Variants in KCTD18 observed in about 807,000 individuals in gnomAD.
The protein encoded by KCTD18 is BTB/POZ domain-containing protein KCTD18.
In KCTD18, 22 loss-of-function variants were observed where a neutral mutation model predicts 30.4. That is an observed-to-expected ratio of 0.72 (90% confidence interval 0.52 to 1.03). The LOEUF is 1.03. Ranked by LOEUF, KCTD18 falls within the 50% of genes least tolerant of loss-of-function variation. The pLI is 0.00. For missense variants in KCTD18, 529 were observed against 547.6 expected (o/e 0.97, Z 0.34); for synonymous variants, 186 against 209.0 (o/e 0.89, Z 0.95).
In KCTD18 at chr2:200,489,170, A is replaced by C. The variant is rs529498262; in HGVS notation, c.*930T>G. On this transcript the variant is annotated 3_prime_UTR_variant, in exon 7 of 7. Coordinates refer to ENST00000359878, the MANE Select transcript of KCTD18 (RefSeq NM_152387.4). The stretch of plus-strand genomic sequence containing the variant: ...AAACATAACATTTACGAATAAACAC[A>C]CACAACTGAATAGTCATGAAAAAAT... The C allele has an allele frequency of 2.9e-4, 44 of 152,752 alleles. No homozygotes were observed. Among genetic ancestry groups the C allele is most frequent in the African/African-American group, 1.0e-3 (43 of 41,570 alleles). The allele number at this position is 152,752 out of a possible 1,614,324, so 9.5% of individuals were successfully genotyped here.
At position 200,506,846 on chromosome 2, in the gene KCTD18, T is replaced by C. The variant is rs1473101254; in HGVS notation, c.160+11A>G. The C allele has an allele frequency of 3.7e-6, 6 of 1,611,734 alleles. No individual in the cohort carries two copies. Among genetic ancestry groups the C allele is most frequent in the Admixed American group, 1.7e-5 (1 of 59,208 alleles). ...ATATTCAGATCATGCTTTCAGACTT[T>C]AGACATTTACCTGACTCATCTGTTT... On this transcript the variant is annotated intron_variant, in intron 2 of 6. Coordinates refer to ENST00000359878, the MANE Select transcript of KCTD18 (RefSeq NM_152387.4).
chr2:200,507,033 T>A lies in KCTD18; in HGVS notation c.-17A>T, dbSNP rs1159610680. 6.3e-7 allele frequency: 1 copy of A among 1,591,674 alleles called. No individual in the cohort carries two copies. The highest frequency in any genetic ancestry group is 8.6e-7 in the Non-Finnish European group (1 of 1,165,812). ...GCCTTCCATTTCTCCCCCAGGCACC[T>A]GAATTTTTGCCGCCCAACACTTTCA... On this transcript the variant is annotated 5_prime_UTR_variant, in exon 2 of 7. Coordinates refer to ENST00000359878, the MANE Select transcript of KCTD18 (RefSeq NM_152387.4).
intron 3 of KCTD18, among the ~76,000 whole-genome samples, chr2:200,500,988 A>G (rs2088075374): frequency 1.3e-5 from 2 of 151,592 alleles, no homozygotes; most frequent in South Asian, 2.1e-4. Flanking sequence ...CCACATATCT[A>G]CAACTATCTG....
chr2:200,490,312 T>C lies in KCTD18; in HGVS notation c.1069A>G (p.Thr357Ala). 1 of 1,614,272 alleles carries C rather than the reference T, an allele frequency of 6.2e-7. No individual in the cohort carries two copies. Among genetic ancestry groups the C allele is most frequent in the Non-Finnish European group, 8.5e-7 (1 of 1,180,044 alleles). ...AGCACCTTAGCTGGAGGTAAGTGCG[T>C]GCCTCCATTTTCAGCGCTCGCAGCC... The part of the protein sequence containing the change: ...PGAASAENGG[T>A]HLPPAKVLLS... Residue 357 changes from threonine (T) to alanine (A), a missense_variant, in exon 7 of 7, where the codon ACG becomes GCG. Coordinates refer to ENST00000359878, the MANE Select transcript of KCTD18 (RefSeq NM_152387.4).
At chr2:200,498,345 T>A (rs575438052) in intron 4 of KCTD18, among the ~76,000 whole-genome samples, 5 of 152,362 alleles carry the variant, frequency 3.3e-5, no homozygotes, top group Non-Finnish European at 5.9e-5. Flanking sequence ...AGAATTTTTT[T>A]AAAAATTGCT....
chr2:200,504,874 C>A lies in KCTD18; in HGVS notation c.246G>T (p.Glu82Asp). ...CTTCCTGTAGGGCGATGCGGGTTTGCTCATCTGTGGGAATCTGAACTTCTC... is the reference window on the plus strand; with the variant it reads ...CTTCCTGTAGGGCGATGCGGGTTTGATCATCTGTGGGAATCTGAACTTCTC... The part of the protein sequence containing the change: ...LHGEVQIPTD[E>D]QTRIALQEEA... The change falls in exon 3 of 7, where the codon GAG becomes GAT. Residue 82 changes from glutamate to aspartate, a missense_variant. Transcript: ENST00000359878. 9.3e-6 allele frequency: 15 copies of A among 1,614,158 alleles called. No homozygotes were observed. Among genetic ancestry groups the A allele is most frequent in the Non-Finnish European group, 1.2e-5 (14 of 1,180,012 alleles).
chr2:200,491,779 G>A (rs1260068828), intron 6 of KCTD18, among the ~76,000 whole-genome samples: 1 of 152,188 alleles, frequency 6.6e-6, no homozygotes, highest in African/African-American at 2.4e-5. Flanking sequence ...AAAGGTGACT[G>A]CAATCCTCTC....
Position 200,490,063 on chromosome 2 carries a change from G to A in KCTD18, c.*37C>T. ...TTGCGTCGAATGGGTTGAAAGCTTT[G>A]GGAGATGAACGGGAAATTTCAAGTC... On this transcript the variant is annotated 3_prime_UTR_variant, in exon 7 of 7. Coordinates refer to ENST00000359878, the MANE Select transcript of KCTD18 (RefSeq NM_152387.4). The A allele has an allele frequency of 6.5e-7, 1 of 1,527,930 alleles. No individual in the cohort carries two copies. The highest frequency in any genetic ancestry group is 8.8e-7 in the Non-Finnish European group (1 of 1,136,328). The allele number at this position is 1,527,930 out of a possible 1,614,324, so 94.6% of individuals were successfully genotyped here.
At chr2:200,502,954 C>T (rs1470739326) in intron 3 of KCTD18, among the ~76,000 whole-genome samples, 8 of 151,074 alleles carry the variant, frequency 5.3e-5, no homozygotes, top group African/African-American at 2.0e-4. Context: ...CACTTGAACC[C>T]GGGAGGTAGA....
At chr2:200,501,400 T>C (rs2088082678) in intron 3 of KCTD18, among the ~76,000 whole-genome samples, 1 of 132,934 alleles carries the variant, frequency 7.5e-6, no homozygotes, top group African/African-American at 2.8e-5. Context: ...GACAAAGGGC[T>C]AATATCCAGA....
rs1342261989 is a variant in KCTD18, at chr2:200,499,040, T to C, written c.417A>G (p.Lys139=). The C allele has an allele frequency of 6.2e-7, 1 of 1,613,920 alleles. No homozygotes were observed. The highest frequency in any genetic ancestry group is 8.5e-7 in the Non-Finnish European group (1 of 1,179,928). ...FCDSYGLVCN[K]PTVWVLHYLN... ...GATAGTGGAGAACCCAAACTGTTGG[T>C]TTATTGCAGACTAAGCCATATGAAT... Residue 139 remains lysine, a synonymous_variant, in exon 4 of 7, where the codon AAA becomes AAG. Transcript: ENST00000359878.
chr2:200,507,369 C>T (rs564973558), intron 1 of KCTD18, among the ~76,000 whole-genome samples: 1 of 152,146 alleles, frequency 6.6e-6, no homozygotes, highest in Non-Finnish European at 1.5e-5. Flanking sequence ...ACACAGCAAA[C>T]AAAGGAGAGG....
At chr2:200,504,604 A>T (rs937243089) in intron 3 of KCTD18, 144 bp downstream of exon 3, 3 of 646,268 alleles carry the variant, frequency 4.6e-6, no homozygotes, top group Non-Finnish European at 7.7e-6. Context: ...AAAAAATGAG[A>T]AGTAGTAGTA....
chr2:200,498,868 T>C (rs751761856), intron 4 of KCTD18, 23 bp downstream of exon 4: 2 of 1,604,576 alleles, frequency 1.2e-6, no homozygotes, highest in Non-Finnish European at 1.7e-6. Flanking sequence ...TTTGTTCTTT[T>C]TCACATTTAA....
Position 200,489,658 on chromosome 2 carries a change from C to A in KCTD18, c.*442G>T, listed in dbSNP as rs2087874188. ...GATCTACATTTTCTCTCTCTAATCT[C>A]TCTTGGCTGTGATATAGTACAGGGA... On this transcript the variant is annotated 3_prime_UTR_variant, in exon 7 of 7. Coordinates refer to ENST00000359878, the MANE Select transcript of KCTD18 (RefSeq NM_152387.4). 1 of 156,192 alleles carries A rather than the reference C, an allele frequency of 6.4e-6. No individual in the cohort carries two copies. The highest frequency in any genetic ancestry group is 1.4e-5 in the Non-Finnish European group (1 of 71,068). The allele number at this position is 156,192 out of a possible 1,614,324, so 9.7% of individuals were successfully genotyped here.
chr2:200,507,437 C>T (rs916864279), intron 1 of KCTD18, among the ~76,000 whole-genome samples: 1 of 152,152 alleles, frequency 6.6e-6, no homozygotes, highest in Non-Finnish European at 1.5e-5. Context: ...TCTGAGGGAG[C>T]CTCTAGACTG....
Position 200,506,933 on chromosome 2 carries a change from C to G in KCTD18, c.84G>C (p.Glu28Asp). ...TGGAGTCCTTGAAGCGGCACAAGGA[C>G]TCCCGCCGGGCTGTGTAAATACAGC... ...VGGCIYTARRESLCRFKDSML... is the reference protein window; with the variant it reads ...VGGCIYTARRDSLCRFKDSML... Residue 28 changes from glutamate to aspartate, a missense_variant, in exon 2 of 7, where the codon GAG becomes GAC. By Grantham distance (45) the Glu-to-Asp change is conservative (BLOSUM62 2). Coordinates refer to ENST00000359878, the MANE Select transcript of KCTD18 (RefSeq NM_152387.4). The G allele has an allele frequency of 1.2e-6, 2 of 1,613,928 alleles. No individual in the cohort carries two copies. Among genetic ancestry groups the G allele is most frequent in the Non-Finnish European group, 1.7e-6 (2 of 1,179,932 alleles).
rs1405594349 is a variant in KCTD18 at position 200,489,082 on chromosome 2, CTTAT to C, written c.*1014_*1017del. 6.6e-6 allele frequency: 1 copy of C among 152,488 alleles called. No individual in the cohort carries two copies. The highest frequency in any genetic ancestry group is 1.5e-5 in the Non-Finnish European group (1 of 68,010). 9.4% of individuals were successfully genotyped at this position (152,488 alleles called of 1,614,324 possible). A position where few individuals can be genotyped will look rare whatever the true frequency, so the allele number is the denominator to read the frequency against. The stretch of plus-strand genomic sequence containing the variant: ...AATAAAAAGTACCCTGTTTTATGAG[CTTAT>C]TTTTTAACATAGTGAAGGCATACTC... On this transcript the variant is annotated 3_prime_UTR_variant, in exon 7 of 7. Coordinates refer to ENST00000359878, the MANE Select transcript of KCTD18 (RefSeq NM_152387.4).
At chr2:200,503,041 A>G (rs1559185642) in intron 3 of KCTD18, among the ~76,000 whole-genome samples, 1 of 151,698 alleles carries the variant, frequency 6.6e-6, no homozygotes, top group Non-Finnish European at 1.5e-5. Context: ...AAAAGAAAAA[A>G]AAAAAAAAAA....
Sources: gnomAD v4.1 joint callset for allele counts (sites outside exome capture counted in the v4.1 genomes callset) on GRCh38, gnomAD v4.1.1 for gene constraint, MANE v1.5 for transcripts, NCBI Gene and HGNC (gene_info 2026-07-23, HGNC 2026-07-21) for gene names.